The following CYP39A1 variants were observed in gnomAD, a reference collection of about 807,000 sequenced individuals.
CYP39A1 encodes the protein 24-hydroxycholesterol 7-alpha-hydroxylase.
Under a neutral mutation model 58.1 loss-of-function variants are expected in CYP39A1, and 49 were observed. The ratio of observed to expected loss-of-function variants is 0.84; its 90% CI spans 0.67 to 1.07. CYP39A1 has a LOEUF of 1.07. CYP39A1 is among the 50% of genes least tolerant of loss of function. CYP39A1 has a pLI of 0.00. For synonymous variants in CYP39A1, 209 were observed against 187.6 expected (o/e 1.11, Z -0.93); for missense variants, 531 against 539.4 (o/e 0.98, Z 0.16).
chr6:46,647,505 T>A (rs930768402), intron 1 of CYP39A1, among the ~76,000 whole-genome samples: 2 of 152,206 alleles, frequency 1.3e-5, no homozygotes, highest in Non-Finnish European at 2.9e-5. Context: ...TGGGGGCTGC[T>A]TGACATTTAG....
chr6:46,551,051 G>A (rs1770369263), intron 11 of CYP39A1, among the ~76,000 whole-genome samples: 1 of 152,038 alleles, frequency 6.6e-6, no homozygotes, highest in Non-Finnish European at 1.5e-5. Context: ...AGAGATATTT[G>A]AGGTTTAGGG....
intron 10 of CYP39A1, among the ~76,000 whole-genome samples, chr6:46,567,860 C>G (rs1314214725): frequency 6.6e-6 from 1 of 152,120 alleles, no homozygotes; most frequent in East Asian, 1.9e-4. Context: ...AGAAAGTTCA[C>G]TGGTGCTGGC....
At position 46,639,604 on chromosome 6, in the gene CYP39A1, T is replaced by C; in HGVS notation, c.378A>G (p.Lys126=). Residue 126 remains lysine (K), a synonymous_variant, in exon 3 of 12, where the codon AAA becomes AAG. Transcript: ENST00000275016. The part of the protein sequence containing the change: ...HEKLYIMLKG[K]MGTVNLHQFT... Reference sequence around the variant, plus strand: ...ACTGATGGAGATTGACAGTCCCCATTTTCCCTTTCAACATAATATAGAGTT... The same window carrying C: ...ACTGATGGAGATTGACAGTCCCCATCTTCCCTTTCAACATAATATAGAGTT... 1 of 1,613,990 alleles carries C rather than the reference T, an allele frequency of 6.2e-7. No homozygotes were observed. Among genetic ancestry groups the C allele is most frequent in the Non-Finnish European group, 8.5e-7 (1 of 1,179,908 alleles).
Position 46,599,781 on chromosome 6 carries a change from G to T in CYP39A1, c.932-3661C>A, listed in dbSNP as rs545447109. 7.4e-4 allele frequency among the ~76,000 whole-genome samples: 112 copies of T among 152,124 alleles called. 1 individual carries two copies. The South Asian group carries it at 0.022, about 30-fold the overall frequency. On this transcript the variant is annotated intron_variant, in intron 7 of 11. Coordinates refer to ENST00000275016, the MANE Select transcript of CYP39A1 (RefSeq NM_016593.5). ...TCCCTTTTGTGAGCTCCAGATTATT[G>T]TTATCCAGCTGGCTTCTCATTGGCT...
In CYP39A1 at chr6:46,626,508, A is replaced by G. The variant is rs114059090; in HGVS notation, c.841-1000T>C. ...CTCTGTGGTCAAAAGAGGAAGAGCA[A>G]TTGTCCGAAAAGAAGTGCTCAAATA... On this transcript the variant is annotated intron_variant, in intron 6 of 11. Coordinates refer to ENST00000275016, the MANE Select transcript of CYP39A1 (RefSeq NM_016593.5). Among the ~76,000 whole-genome samples, 707 of 152,302 alleles carry G rather than the reference A, an allele frequency of 4.6e-3. 4 individuals carry two copies. The highest frequency in any genetic ancestry group is 0.016 in the African/African-American group (674 of 41,580).
rs1449013734 is a variant in CYP39A1 at position 46,627,010 on chromosome 6, A to G, written c.841-1502T>C. On this transcript the variant is annotated intron_variant, in intron 6 of 11. Transcript: ENST00000275016. ...GACTCACAGTTCTGCATGGGTGGGG[A>G]GGCCTCAGGAAACTTACAATCATGG... Among the ~76,000 whole-genome samples, 4 of 152,280 alleles carry G rather than the reference A, an allele frequency of 2.6e-5. No individual in the cohort carries two copies. In the East Asian group the frequency reaches 7.7e-4, roughly 29 times the overall value.
intron 7 of CYP39A1, among the ~76,000 whole-genome samples, chr6:46,599,498 C>A (rs180853972): frequency 1.3e-5 from 2 of 152,084 alleles, no homozygotes; most frequent in African/African-American, 4.8e-5. Context: ...TGGTTCTTGG[C>A]GGTTTGGTAA....
intron 10 of CYP39A1, among the ~76,000 whole-genome samples, chr6:46,564,538 G>A (rs1771172503): frequency 6.6e-6 from 1 of 152,068 alleles, no homozygotes; most frequent in African/African-American, 2.4e-5. Flanking sequence ...TACACAGAAG[G>A]CCAGAAGGAA....
At chr6:46,588,963 G>T (rs1467424337) in intron 8 of CYP39A1, among the ~76,000 whole-genome samples, 1 of 152,076 alleles carries the variant, frequency 6.6e-6, no homozygotes, top group Non-Finnish European at 1.5e-5. Flanking sequence ...ACAGGACAAA[G>T]AGATCTCCCA....
intron 7 of CYP39A1, among the ~76,000 whole-genome samples, chr6:46,618,851 T>A (rs773840394): frequency 6.6e-6 from 1 of 152,112 alleles, no homozygotes; most frequent in Non-Finnish European, 1.5e-5. Context: ...TTCTTCCAGT[T>A]GGCACAGAAC....
rs940939635 is a variant in CYP39A1, at chr6:46,635,426, G to A, written c.732+963C>T. On this transcript the variant is annotated intron_variant, in intron 5 of 11. Coordinates refer to ENST00000275016, the MANE Select transcript of CYP39A1 (RefSeq NM_016593.5). ...TCTCTGTGGGCAGACCCTGGCCTCA[G>A]ACAGTTTTCAAAAGCTCCCAGAGTG... 4.6e-5 allele frequency among the ~76,000 whole-genome samples: 7 copies of A among 152,192 alleles called. No homozygotes were observed. The East Asian group carries it at 1.3e-3, about 29-fold the overall frequency.
At chr6:46,574,463 A>G (rs1047787608) in intron 10 of CYP39A1, among the ~76,000 whole-genome samples, 3 of 152,240 alleles carry the variant, frequency 2.0e-5, no homozygotes, top group African/African-American at 7.2e-5. Flanking sequence ...ACTATTAGAA[A>G]GCGAGGAGAA....
chr6:46,553,108 A>G (rs1422684589), intron 11 of CYP39A1, among the ~76,000 whole-genome samples: 1 of 150,832 alleles, frequency 6.6e-6, no homozygotes, highest in East Asian at 1.9e-4. Context: ...AAGAAATGCA[A>G]TTCTGTAGCC....
At chr6:46,583,814 G>A (rs991656759) in intron 10 of CYP39A1, among the ~76,000 whole-genome samples, 1 of 152,116 alleles carries the variant, frequency 6.6e-6, no homozygotes, top group African/African-American at 2.4e-5. Flanking sequence ...AGAACCTTCT[G>A]TGTTTGCTTG....
rs752711773 is a variant in CYP39A1, at chr6:46,625,401, A to G, written c.931+17T>C. ...TGCATTATTAGCTGTGTCTTCCTAT[A>G]TAATAAGGTTTAGTACCTGCTTTGC... On this transcript the variant is annotated intron_variant, in intron 7 of 11. Transcript: ENST00000275016. The G allele has an allele frequency of 2.6e-6, 4 of 1,560,976 alleles. No homozygotes were observed. In the African/African-American group the frequency reaches 4.1e-5, roughly 16 times the overall value.
chr6:46,602,907 G>A (rs1479509445), intron 7 of CYP39A1, among the ~76,000 whole-genome samples: 1 of 101,870 alleles, frequency 9.8e-6, no homozygotes, highest in African/African-American at 4.0e-5. Flanking sequence ...GACACTGAAA[G>A]CCACTAAATA....
chr6:46,554,340 C>G (rs1162130879), intron 10 of CYP39A1, among the ~76,000 whole-genome samples: 3 of 152,140 alleles, frequency 2.0e-5, no homozygotes, highest in Non-Finnish European at 2.9e-5. Flanking sequence ...ACAGAAGGCT[C>G]TATTGGACAG....
chr6:46,628,921 C>G (rs1775484599), intron 6 of CYP39A1, among the ~76,000 whole-genome samples: 1 of 152,178 alleles, frequency 6.6e-6, no homozygotes, highest in South Asian at 2.1e-4. Flanking sequence ...TATGCTGAAC[C>G]AGGTGCTATT....
intron 9 of CYP39A1, among the ~76,000 whole-genome samples, chr6:46,587,787 T>C (rs1772560655): frequency 6.6e-6 from 1 of 152,166 alleles, no homozygotes; most frequent in South Asian, 2.1e-4. Flanking sequence ...AACATGCCCT[T>C]CTGGTTTCAT....
Sources: gnomAD v4.1 joint callset for allele counts (sites outside exome capture counted in the v4.1 genomes callset) on GRCh38, gnomAD v4.1.1 for gene constraint, MANE v1.5 for transcripts, NCBI Gene and HGNC (gene_info 2026-07-23, HGNC 2026-07-21) for gene names.